The following GON4L variants were observed in gnomAD, a reference collection of about 807,000 sequenced individuals.
GON4L encodes GON-4-like protein.
A neutral mutation model predicts 211.8 loss-of-function variants in GON4L; 87 were observed. The ratio of observed to expected loss-of-function variants is 0.41; its 90% CI spans 0.35 to 0.49. The LOEUF is 0.49. Ranked by LOEUF, GON4L falls within the 20% of genes least tolerant of loss-of-function variation. The pLI is 0.15. For synonymous variants in GON4L, 875 were observed against 962.6 expected (o/e 0.91, Z 1.68); for missense variants, 2,155 against 2,659.5 (o/e 0.81, Z 4.17).
Position 155,750,112 on chromosome 1 carries a change from A to G in GON4L, c.*472T>C. 1.3e-6 allele frequency: 1 copy of G among 765,598 alleles called. No individual in the cohort carries two copies. Among genetic ancestry groups the G allele is most frequent in the Non-Finnish European group, 2.1e-6 (1 of 484,950 alleles). The allele number at this position is 765,598 out of a possible 1,614,324, so 47.4% of individuals were successfully genotyped here. On this transcript the variant is annotated 3_prime_UTR_variant, in exon 32 of 32. Coordinates refer to ENST00000368331, the MANE Select transcript of GON4L (RefSeq NM_001282860.2). ...CTACAAAGCCTGGCCCAGTGCTACC[A>G]GGGTGGTGACAGCCTCGTGGACTAA...
At chr1:155,813,393 C>T (rs1667962622) in intron 10 of GON4L, among the ~76,000 whole-genome samples, 1 of 152,062 alleles carries the variant, frequency 6.6e-6, no homozygotes, top group Non-Finnish European at 1.5e-5. Flanking sequence ...GATCACACCA[C>T]TGCACTCAAG....
At chr1:155,823,707 C>T (rs868133747) in intron 3 of GON4L, among the ~76,000 whole-genome samples, 13 of 152,220 alleles carry the variant, frequency 8.5e-5, no homozygotes, top group Middle Eastern at 3.4e-3. Context: ...CCAGCCTGGC[C>T]AACATGGTGA....
chr1:155,745,552 G>A (rs1660226091), downstream of GON4L, among the ~76,000 whole-genome samples: 2 of 152,262 alleles, frequency 1.3e-5, no homozygotes, highest in Admixed American at 1.3e-4. Flanking sequence ...CCCCAAGTCA[G>A]CGGCGGAGAC....
intron 3 of GON4L, among the ~76,000 whole-genome samples, chr1:155,825,884 A>G (rs1430777222): frequency 6.6e-6 from 1 of 152,040 alleles, no homozygotes; most frequent in Non-Finnish European, 1.5e-5. Context: ...CTCTACAAAA[A>G]ATACAAAAAT....
At chr1:155,773,602 A>G (rs1487524293) in intron 17 of GON4L, among the ~76,000 whole-genome samples, 3 of 152,212 alleles carry the variant, frequency 2.0e-5, no homozygotes, top group South Asian at 4.1e-4. Context: ...ATAAGATTCC[A>G]ACTTCTTTAA....
At chr1:155,798,566 C>G (rs1408621566) in intron 11 of GON4L, among the ~76,000 whole-genome samples, 1 of 138,044 alleles carries the variant, frequency 7.2e-6, no homozygotes, top group Non-Finnish European at 1.5e-5. Context: ...CCCGCCACCA[C>G]GTCAGGCTAA....
chr1:155,848,226 T>A (rs992086237), intron 2 of GON4L, among the ~76,000 whole-genome samples: 1 of 152,200 alleles, frequency 6.6e-6, no homozygotes, highest in African/African-American at 2.4e-5. Flanking sequence ...AGAACCCCCC[T>A]GGGCTGAGCC....
At position 155,773,128 on chromosome 1, in the gene GON4L, T is replaced by A; in HGVS notation, c.2433A>T (p.Pro811=). 6.2e-7 allele frequency: 1 copy of A among 1,613,564 alleles called. No individual in the cohort carries two copies. The highest frequency in any genetic ancestry group is 1.1e-5 in the South Asian group (1 of 91,056). Residue 811 remains proline, a synonymous_variant, in exon 18 of 32, where the codon CCA becomes CCT. Transcript: ENST00000368331. ...GATTCTTTGCCTTCAGGGAACACAC[T>A]GGAAGTAACTCTGGATACATGAAAA... The part of the protein sequence containing the change: ...SKVFMYPELL[P]VCSLKAKNPQ...
At chr1:155,816,135 T>TA in intron 7 of GON4L, 77 bp downstream of exon 7, 1 of 764,504 alleles carries the variant, frequency 1.3e-6, no homozygotes, top group Non-Finnish European at 2.3e-6. Flanking sequence ...CAAGAAAAGT[T>TA]AAAGAGGAAG....
Position 155,749,765 on chromosome 1 carries a change from A to G in GON4L, c.*819T>C. ...TCACCCTATGGCTCCCAAGAAAAGC[A>G]TTCTTCCTCTGGAGTACTGGTGTAC... On this transcript the variant is annotated 3_prime_UTR_variant, in exon 32 of 32. Transcript: ENST00000368331. 1.6e-6 allele frequency: 1 copy of G among 617,100 alleles called. No individual in the cohort carries two copies. Among genetic ancestry groups the G allele is most frequent in the Non-Finnish European group, 2.8e-6 (1 of 351,230 alleles). 38.2% of individuals were successfully genotyped at this position (617,100 alleles called of 1,614,324 possible).
At chr1:155,855,348 T>C (rs908510025) in intron 1 of GON4L, among the ~76,000 whole-genome samples, 1 of 152,034 alleles carries the variant, frequency 6.6e-6, no homozygotes, top group African/African-American at 2.4e-5. Flanking sequence ...ATCCCTAATA[T>C]CCAGCAGTAT....
At chr1:155,748,641 G>A (rs890677570), downstream of GON4L, 9 of 1,613,156 alleles carry the variant, frequency 5.6e-6, no homozygotes, top group Non-Finnish European at 7.6e-6. Flanking sequence ...TTTCCCCTTG[G>A]CTCCAGGCCA....
At chr1:155,746,005 G>A (rs1249986306), downstream of GON4L, 13 of 814,608 alleles carry the variant, frequency 1.6e-5, no homozygotes, top group Non-Finnish European at 1.9e-5. Flanking sequence ...GCTTCCCCAG[G>A]ATGCTGCGCT....
intron 18 of GON4L, among the ~76,000 whole-genome samples, chr1:155,771,670 T>C (rs1663207681): frequency 6.6e-6 from 1 of 152,014 alleles, no homozygotes; most frequent in South Asian, 2.1e-4. Context: ...TAGAGACCAG[T>C]TCTCACTATG....
chr1:155,754,251 A>G (rs372844135), intron 28 of GON4L, 124 bp downstream of exon 28: 1 of 755,480 alleles, frequency 1.3e-6, no homozygotes, highest in Non-Finnish European at 2.4e-6. Flanking sequence ...ATATGTACAC[A>G]TATGTGTATA....
intron 10 of GON4L, among the ~76,000 whole-genome samples, chr1:155,808,287 C>T (rs1667352310): frequency 6.6e-6 from 1 of 152,188 alleles, no homozygotes; most frequent in Non-Finnish European, 1.5e-5. Flanking sequence ...GATCCACCCG[C>T]CTCGGCCTCC....
intron 1 of GON4L, among the ~76,000 whole-genome samples, chr1:155,855,239 G>A (rs17370773): frequency 0.036 from 5,495 of 152,054 alleles, 147 homozygotes; most frequent in Non-Finnish European, 0.048. Flanking sequence ...CCTCTTTTAC[G>A]GTACTTATCA....
At chr1:155,811,746 C>T (rs1242592482) in intron 10 of GON4L, among the ~76,000 whole-genome samples, 1 of 64,104 alleles carries the variant, frequency 1.6e-5, no homozygotes, top group African/African-American at 6.8e-5. Flanking sequence ...ACAGGCAAGA[C>T]TCTGTCTCAA....
intron 2 of GON4L, among the ~76,000 whole-genome samples, chr1:155,849,367 A>G (rs987189179): frequency 4.6e-5 from 7 of 151,310 alleles, no homozygotes; most frequent in African/African-American, 1.5e-4. Flanking sequence ...ACATGGTGAA[A>G]CCCTGCCTCT....
Sources: gnomAD v4.1 joint callset for allele counts (sites outside exome capture counted in the v4.1 genomes callset) on GRCh38, gnomAD v4.1.1 for gene constraint, MANE v1.5 for transcripts, NCBI Gene and HGNC (gene_info 2026-07-23, HGNC 2026-07-21) for gene names.